Variants in ERF observed in about 807,000 individuals in gnomAD.
ERF encodes ETS domain-containing transcription factor ERF.
A neutral mutation model predicts 41.6 loss-of-function variants in ERF; 10 were observed. The observed-to-expected ratio is 0.24, with a 90% CI of 0.15 to 0.41. The LOEUF is 0.41. Among genes scored for constraint, ERF ranks in the 10% least tolerant of loss-of-function variants. The pLI, the probability that ERF is intolerant of heterozygous loss-of-function variation, is 1.00. For synonymous variants in ERF, 395 were observed against 342.4 expected (o/e 1.15, Z -1.70); for missense variants, 621 against 763.2 (o/e 0.81, Z 2.19).
Position 42,248,296 on chromosome 19 carries a change from A to AC in ERF, c.*168dup. 1.6e-5 allele frequency: 5 copies of AC among 317,032 alleles called. No individual in the cohort carries two copies. Among genetic ancestry groups the AC allele is most frequent in the Non-Finnish European group, 2.3e-5 (5 of 212,972 alleles). 19.6% of individuals were successfully genotyped at this position (317,032 alleles called of 1,614,324 possible). A position where few individuals can be genotyped will look rare whatever the true frequency, so the allele number is the denominator to read the frequency against. On this transcript the variant is annotated 3_prime_UTR_variant, in exon 4 of 4. Coordinates refer to ENST00000222329, the MANE Select transcript of ERF (RefSeq NM_006494.4). This position sits in a 1 kb window ranked among gnomAD's most constrained non-coding sequence, Gnocchi z 4.2. ...TAGCCCTGGGCACCCACCCACCCCC[A>AC]CCATTTTTAAAAAAAAGAAATTAAA...
In ERF at chr19:42,249,704, C is replaced by A. The variant is rs140735416; in HGVS notation, c.408G>T (p.Pro136=). 69 of 1,598,768 alleles carry A rather than the reference C, an allele frequency of 4.3e-5. No individual in the cohort carries two copies. Among genetic ancestry groups the A allele is most frequent in the Non-Finnish European group, 5.9e-5 (69 of 1,170,786 alleles). The change falls in exon 4 of 4, where the codon CCG becomes CCT. Residue 136 remains proline, a synonymous_variant. Transcript: ENST00000222329. This position sits in a 1 kb window ranked among gnomAD's most constrained non-coding sequence, Gnocchi z 8.6. ...GGAAGCGGAAGTGGCTACCACCCGACGGCACTGGCGGGGCACTCTGGGGCA... is the reference window on the plus strand; with the variant it reads ...GGAAGCGGAAGTGGCTACCACCCGAAGGCACTGGCGGGGCACTCTGGGGCA... ...GAVPQSAPPV[P]SGGSHFRFPP...
intron 1 of ERF, chr19:42,254,760 C>G (rs2036506234): frequency 2.1e-6 from 1 of 469,178 alleles, no homozygotes; most frequent in Non-Finnish European, 3.7e-6. Flanking sequence ...GACCAAGACC[C>G]GCAGCACCCA....
chr19:42,253,846 A>G (rs1382082554), intron 1 of ERF: 7 of 1,063,040 alleles, frequency 6.6e-6, no homozygotes. Flanking sequence ...ACACACCCGC[A>G]CACAGGAGCC....
At position 42,248,297 on chromosome 19, in the gene ERF, C is replaced by A; in HGVS notation, c.*168G>T. The A allele has an allele frequency of 8.5e-5, 42 of 494,798 alleles. No individual in the cohort carries two copies. The highest frequency in any genetic ancestry group is 9.4e-5 in the South Asian group (1 of 10,664). The allele number at this position is 494,798 out of a possible 1,614,324, so 30.7% of individuals were successfully genotyped here. On this transcript the variant is annotated 3_prime_UTR_variant, in exon 4 of 4. Transcript: ENST00000222329. This position sits in a 1 kb window ranked among gnomAD's most constrained non-coding sequence, Gnocchi z 4.2. ...AGCCCTGGGCACCCACCCACCCCCA[C>A]CATTTTTAAAAAAAAGAAATTAAAG...
At chr19:42,253,814 G>C in intron 1 of ERF, 1 of 948,494 alleles carries the variant, frequency 1.1e-6, no homozygotes, top group African/African-American at 1.8e-5. Context: ...GGATGGGGTG[G>C]GGTGGGTGGG....
In ERF at chr19:42,248,745, G is replaced by A. The variant is rs376964824; in HGVS notation, c.1367C>T (p.Thr456Met). 2.2e-5 allele frequency: 35 copies of A among 1,613,514 alleles called. No homozygotes were observed. The highest frequency in any genetic ancestry group is 4.0e-5 in the African/African-American group (3 of 74,928). ...EDEEDGEVFK[T>M]PRAPPAPPKP... ...AGGGGGTGCAGGTGGGGCACGGGGC[G>A]TCTTGAACACCTCCCCGTCTTCCTC... Residue 456 changes from threonine to methionine, a missense_variant, in exon 4 of 4, where the codon ACG becomes ATG. This residue lies in a region of ERF where 569 missense variants were observed against 625.5 expected (regional missense o/e 0.91). Coordinates refer to ENST00000222329, the MANE Select transcript of ERF (RefSeq NM_006494.4). The surrounding 1 kb of genome is among the most constrained non-coding windows in gnomAD (Gnocchi z 4.2).
Position 42,249,261 on chromosome 19 carries a change from C to T in ERF, c.851G>A (p.Ser284Asn), listed in dbSNP as rs1255858306. ...HLAYTPSPTL[S>N]PMYPSGGGGP... is the part of the protein sequence containing the mutation. ...CCCGCCACCACTGGGGTACATCGGG[C>T]TCAGCGTGGGCGAGGGAGTGTAGGC... The change falls in exon 4 of 4, where the codon AGC becomes AAC. Residue 284 changes from serine to asparagine, a missense_variant. Ser to Asn is a conservative substitution (Grantham distance 46). Transcript: ENST00000222329. The surrounding 1 kb of genome is among the most constrained non-coding windows in gnomAD (Gnocchi z 8.6). The T allele has an allele frequency of 1.2e-6, 2 of 1,611,246 alleles. No individual in the cohort carries two copies. Among genetic ancestry groups the T allele is most frequent in the Non-Finnish European group, 8.5e-7 (1 of 1,178,736 alleles).
intron 1 of ERF, chr19:42,254,029 C>T (rs934688558): frequency 3.1e-5 from 23 of 737,920 alleles, no homozygotes; most frequent in Non-Finnish European, 3.8e-5. Flanking sequence ...AAAGTCCAGC[C>T]CGCGCGAGCC....
Position 42,249,930 on chromosome 19 carries a change from G to A in ERF, c.270C>T (p.Asn90=). 1 of 1,614,120 alleles carries A rather than the reference G, an allele frequency of 6.2e-7. No homozygotes were observed. ...CCTTGGTCTTGTGCAGAATGCGCTT[G>A]TTATAGTAATAGCTGTGGGTACAGA... is the stretch of plus-strand genomic sequence containing the variant. ...KLSRALRYYY[N]KRILHKTKGK... is the part of the protein sequence containing the mutation. Residue 90 remains asparagine, a synonymous_variant, in exon 3 of 4, where the codon AAC becomes AAT. Transcript: ENST00000222329. This position sits in a 1 kb window ranked among gnomAD's most constrained non-coding sequence, Gnocchi z 8.6.
At chr19:42,253,515 A>G (rs2036479763) in intron 1 of ERF, among the ~76,000 whole-genome samples, 1 of 151,878 alleles carries the variant, frequency 6.6e-6, no homozygotes, top group African/African-American at 2.4e-5. Flanking sequence ...GCAGGGAGAG[A>G]AGATGAAGCG....
chr19:42,251,259 C>G (rs1599825417), intron 1 of ERF: 1 of 986,182 alleles, frequency 1.0e-6, no homozygotes, highest in East Asian at 1.1e-4. Flanking sequence ...CCAGGCCCCA[C>G]CTGGCTGGAG....
chr19:42,254,023 T>A (rs2036492051), intron 1 of ERF: 2 of 830,434 alleles, frequency 2.4e-6, no homozygotes, highest in South Asian at 5.1e-5. Flanking sequence ...GGGCGCAAAG[T>A]CCAGCCCGCG....
Position 42,250,119 on chromosome 19 carries a change from G to T in ERF, c.258-177C>A. 1 of 751,116 alleles carries T rather than the reference G, an allele frequency of 1.3e-6. No individual in the cohort carries two copies. The highest frequency in any genetic ancestry group is 2.2e-6 in the Non-Finnish European group (1 of 451,156). The allele number at this position is 751,116 out of a possible 1,614,324, so 46.5% of individuals were successfully genotyped here. On this transcript the variant is annotated intron_variant, in intron 2 of 3. Coordinates refer to ENST00000222329, the MANE Select transcript of ERF (RefSeq NM_006494.4). This position sits in a 1 kb window ranked among gnomAD's most constrained non-coding sequence, Gnocchi z 5.1. ...AGCTCTCTCCTCACATCTAAGGCAG[G>T]ACTAGAGGATCCACTGGTGACTGTA... is the stretch of plus-strand genomic sequence containing the variant.
At chr19:42,253,845 C>CA (rs1266822180) in intron 1 of ERF, 48 of 1,062,926 alleles carry the variant, frequency 4.5e-5, no homozygotes, top group Non-Finnish European at 5.5e-5. Flanking sequence ...CACACACCCG[C>CA]ACACAGGAGC....
chr19:42,254,834 A>G, intron 1 of ERF, 144 bp downstream of exon 1: 1 of 951,264 alleles, frequency 1.1e-6, no homozygotes, highest in Non-Finnish European at 1.5e-6. Flanking sequence ...CGCCACGAGA[A>G]GCAACAGGTC....
Position 42,249,632 on chromosome 19 carries a change from G to A in ERF, c.480C>T (p.Arg160=). 1 of 1,612,420 alleles carries A rather than the reference G, an allele frequency of 6.2e-7. No individual in the cohort carries two copies. The highest frequency in any genetic ancestry group is 8.5e-7 in the Non-Finnish European group (1 of 1,179,382). Residue 160 remains arginine, a synonymous_variant, in exon 4 of 4, where the codon CGC becomes CGT. Coordinates refer to ENST00000222329, the MANE Select transcript of ERF (RefSeq NM_006494.4). The surrounding 1 kb of genome is among the most constrained non-coding windows in gnomAD (Gnocchi z 8.6). ...AAGATGAAGAGCAGGCTGGTGGTGA[G>A]CGGGGGTCCTCGGTGGGGGACAGCA... ...SEVLSPTEDP[R]SPPACSSSSS... is the part of the protein sequence containing the mutation.
At position 42,249,444 on chromosome 19, in the gene ERF, G is replaced by A. The variant is rs368133138; in HGVS notation, c.668C>T (p.Ala223Val). Residue 223 changes from alanine (A) to valine (V), a missense_variant, in exon 4 of 4, where the codon GCC becomes GTC. Transcript: ENST00000222329. This position sits in a 1 kb window ranked among gnomAD's most constrained non-coding sequence, Gnocchi z 8.6. ...DLGAFRGPPL[A>V]RLPHDPGVFR... ...GACACCAGGGTCATGGGGCAGGCGG[G>A]CCAGCGGGGGCCCTCGGAAGGCACC... The A allele has an allele frequency of 1.9e-6, 3 of 1,594,576 alleles. No individual in the cohort carries two copies. The highest frequency in any genetic ancestry group is 1.7e-6 in the Non-Finnish European group (2 of 1,171,208).
At position 42,247,961 on chromosome 19, in the gene ERF, T is replaced by G. The variant is rs2036356206; in HGVS notation, c.*504A>C. 6.5e-6 allele frequency: 1 copy of G among 153,074 alleles called. No homozygotes were observed. The highest frequency in any genetic ancestry group is 1.5e-5 in the Non-Finnish European group (1 of 68,442). The allele number at this position is 153,074 out of a possible 1,614,324, so 9.5% of individuals were successfully genotyped here. A position where few individuals can be genotyped will look rare whatever the true frequency, so the allele number is the denominator to read the frequency against. ...GTCCCTCCCTCCCCTGCTGTGACCT[T>G]GTGGGGTATGAGAAACCTAGGCACT... On this transcript the variant is annotated 3_prime_UTR_variant, in exon 4 of 4. Transcript: ENST00000222329.
At position 42,250,084 on chromosome 19, in the gene ERF, G is replaced by A. The variant is rs1450684049; in HGVS notation, c.258-142C>T. On this transcript the variant is annotated intron_variant, in intron 2 of 3. Transcript: ENST00000222329. The surrounding 1 kb of genome is among the most constrained non-coding windows in gnomAD (Gnocchi z 5.1). ...CAAAAGACAAATCAAGTGCCCAGAG[G>A]GTGGGTACCAGCTCTCTCCTCACAT... 2 of 869,070 alleles carry A rather than the reference G, an allele frequency of 2.3e-6. No individual in the cohort carries two copies. The highest frequency in any genetic ancestry group is 3.7e-6 in the Non-Finnish European group (2 of 534,214). 53.8% of individuals were successfully genotyped at this position (869,070 alleles called of 1,614,324 possible).
Sources: gnomAD v4.1 joint callset for allele counts (sites outside exome capture counted in the v4.1 genomes callset) on GRCh38, gnomAD v4.1.1 for gene constraint, gnomAD v4.1.1 regional missense constraint, Gnocchi (gnomAD v3.1) non-coding constraint, MANE v1.5 for transcripts, NCBI Gene and HGNC (gene_info 2026-07-23, HGNC 2026-07-21) for gene names.